Variants in SMYD1 observed in about 807,000 individuals in gnomAD.
SMYD1 encodes SET and MYND domain containing 1.
SMYD1 carries 49 observed loss-of-function variants against 54.0 expected under a neutral mutation model. The observed-to-expected ratio is 0.91, with a 90% CI of 0.72 to 1.15. The LOEUF is 1.15. Among genes scored for constraint, SMYD1 ranks in the 50% most tolerant of loss-of-function variants. The pLI is 0.00. For missense variants in SMYD1, 653 were observed against 639.6 expected (o/e 1.02, Z -0.23); for synonymous variants, 269 against 234.2 (o/e 1.15, Z -1.36).
intron 6 of SMYD1, among the ~76,000 whole-genome samples, chr2:88,101,002 A>G (rs1674707707): frequency 6.6e-6 from 1 of 152,214 alleles, no homozygotes; most frequent in South Asian, 2.1e-4. Flanking sequence ...CAAAAGCCAA[A>G]GTAGGTGAGG....
intron 5 of SMYD1, 30 bp from the exon 6 acceptor site, chr2:88,096,565 G>T: frequency 1.3e-6 from 2 of 1,580,628 alleles, no homozygotes; most frequent in South Asian, 1.2e-5. Context: ...GCCTGGATTC[G>T]ATTCACCTTT....
intron 1 of SMYD1, among the ~76,000 whole-genome samples, chr2:88,078,352 A>G (rs534575872): frequency 1.1e-4 from 16 of 152,362 alleles, no homozygotes; most frequent in Admixed American, 3.9e-4. Flanking sequence ...AATAGTAAGT[A>G]TATTTCATTC....
intron 1 of SMYD1, among the ~76,000 whole-genome samples, chr2:88,080,751 C>T (rs540450024): frequency 6.6e-6 from 1 of 152,104 alleles, no homozygotes; most frequent in Non-Finnish European, 1.5e-5. Flanking sequence ...GTTAGCATAC[C>T]AATATAAAAG....
intron 3 of SMYD1, among the ~76,000 whole-genome samples, chr2:88,088,383 C>T (rs1304352766): frequency 6.6e-6 from 1 of 152,128 alleles, no homozygotes; most frequent in Non-Finnish European, 1.5e-5. Context: ...GATTCCTTAT[C>T]AAGGAGGGGC....
intron 2 of SMYD1, among the ~76,000 whole-genome samples, chr2:88,087,079 CAAAAAAAAA>C (rs57379534): frequency 1.7e-3 from 140 of 83,864 alleles, no homozygotes; most frequent in African/African-American, 6.2e-3. Flanking sequence ...GTATAGCTTC[CAAAAAAAAA>C]AAAAAAAAAA....
intron 6 of SMYD1, among the ~76,000 whole-genome samples, chr2:88,099,509 G>A (rs1674672726): frequency 6.6e-6 from 1 of 152,202 alleles, no homozygotes; most frequent in East Asian, 2.0e-4. Flanking sequence ...CAGATCACGA[G>A]GTCAGGAGTT....
intron 1 of SMYD1, among the ~76,000 whole-genome samples, chr2:88,073,682 G>A (rs774892557): frequency 4.6e-5 from 7 of 152,114 alleles, no homozygotes; most frequent in East Asian, 1.9e-4. Context: ...CTCATCAAAG[G>A]AGATCATACA....
intron 6 of SMYD1, among the ~76,000 whole-genome samples, chr2:88,097,394 C>T (rs1221622175): frequency 6.6e-6 from 1 of 152,104 alleles, no homozygotes; most frequent in Non-Finnish European, 1.5e-5. Context: ...AGCTGAGCCG[C>T]CAGGTGTCAG....
chr2:88,084,247 T>C, intron 1 of SMYD1, 69 bp from the exon 2 acceptor site: 1 of 1,340,292 alleles, frequency 7.5e-7, no homozygotes, highest in Non-Finnish European at 1.0e-6. Flanking sequence ...GGAACACAGG[T>C]GTCCCACTGG....
chr2:88,074,995 G>A (rs1037827130), intron 1 of SMYD1, among the ~76,000 whole-genome samples: 1 of 152,158 alleles, frequency 6.6e-6, no homozygotes, highest in South Asian at 2.1e-4. Flanking sequence ...GTTATTGGGG[G>A]ATAAATGATG....
At chr2:88,094,810 TA>T (rs1234432809) in intron 5 of SMYD1, among the ~76,000 whole-genome samples, 1 of 152,180 alleles carries the variant, frequency 6.6e-6, no homozygotes, top group East Asian at 1.9e-4. Context: ...GCTGCCTCTG[TA>T]AAAGGGACTC....
chr2:88,081,731 C>T (rs890876859), intron 1 of SMYD1, among the ~76,000 whole-genome samples: 35 of 152,124 alleles, frequency 2.3e-4, no homozygotes, highest in African/African-American at 7.0e-4. Context: ...CCACTGCACC[C>T]GGCCATTTGA....
chr2:88,098,639 G>C lies in SMYD1; in HGVS notation c.888+1855G>C, dbSNP rs148557101. Among the ~76,000 whole-genome samples the C allele has an allele frequency of 3.3e-3, 500 of 152,210 alleles. 3 individuals are homozygous for C. Among genetic ancestry groups the C allele is most frequent in the African/African-American group, 0.011 (456 of 41,522 alleles). ...AAAAAAAGGCCATCATAATGTAGTA[G>C]GAAGAATACTGGAAGAAGAATTATG... On this transcript the variant is annotated intron_variant, in intron 6 of 9. Transcript: ENST00000419482.
chr2:88,091,049 GC>G lies in SMYD1; in HGVS notation c.568del (p.Leu190CysfsTer6), dbSNP rs1389562923. The G allele has an allele frequency of 6.2e-7, 1 of 1,614,124 alleles. No homozygotes were observed. Among genetic ancestry groups the G allele is most frequent in the South Asian group, 1.1e-5 (1 of 91,070 alleles). On this transcript the variant is annotated frameshift_variant, in exon 4 of 10. Transcript: ENST00000419482. LOFTEE classifies it high-confidence loss of function. ...GGTTTTACTCTCAGTGATCAGAGAG[GC>G]CTGCAGGCCGTGGGCGTAGGCATCT... Reference protein sequence around the residue: ...CNGFTLSDQRGLQAVGVGIFP... With the variant: ...CNGFTLSDQRXLQAVGVGIFP...
Position 88,093,261 on chromosome 2 carries a change from G to C in SMYD1, c.660-256G>C, listed in dbSNP as rs546557089. Among the ~76,000 whole-genome samples, 6 of 152,332 alleles carry C rather than the reference G, an allele frequency of 3.9e-5. No individual in the cohort carries two copies. In the South Asian group the frequency reaches 1.2e-3, roughly 32 times the overall value. Reference sequence around the variant, plus strand: ...TTACAGGTGAGAACACTGAAACACAGGGAAGGGAAGGAACTTGTTCAGGTC... The same window carrying C: ...TTACAGGTGAGAACACTGAAACACACGGAAGGGAAGGAACTTGTTCAGGTC... On this transcript the variant is annotated intron_variant, in intron 4 of 9. Transcript: ENST00000419482.
intron 3 of SMYD1, 70 bp from the exon 4 acceptor site, chr2:88,090,942 C>T: frequency 6.5e-7 from 1 of 1,531,054 alleles, no homozygotes; most frequent in Non-Finnish European, 8.8e-7. Flanking sequence ...TTTTAAAACT[C>T]CTTTCAACAG....
rs148421944 is a variant in SMYD1 at position 88,073,233 on chromosome 2, G to A, written c.137+5232G>A. 1.4e-4 allele frequency among the ~76,000 whole-genome samples: 22 copies of A among 152,284 alleles called. No individual in the cohort carries two copies. The East Asian group carries it at 3.1e-3, about 21-fold the overall frequency. ...TTGCACCCATATTGCTGCAAAGGAC[G>A]TGATTTTGTTCTTTTTTAACAGCTG... On this transcript the variant is annotated intron_variant, in intron 1 of 9. Transcript: ENST00000419482.
chr2:88,106,542 G>T, intron 8 of SMYD1, 54 bp downstream of exon 8: 1 of 1,574,312 alleles, frequency 6.4e-7, no homozygotes, highest in East Asian at 2.3e-5. Flanking sequence ...TGTATTCCAG[G>T]GATGGCAAAT....
At chr2:88,102,334 C>A (rs2104009810) in intron 6 of SMYD1, among the ~76,000 whole-genome samples, 1 of 150,918 alleles carries the variant, frequency 6.6e-6, no homozygotes, top group South Asian at 2.1e-4. Context: ...TTTGGCACTT[C>A]CTTGCCTCAA....
Sources: gnomAD v4.1 joint callset for allele counts (sites outside exome capture counted in the v4.1 genomes callset) on GRCh38, gnomAD v4.1.1 for gene constraint, MANE v1.5 for transcripts, NCBI Gene and HGNC (gene_info 2026-07-23, HGNC 2026-07-21) for gene names.